DNAJA4: variants seen among roughly 807,000 people sequenced by gnomAD.
The protein encoded by DNAJA4 is dnaJ homolog subfamily A member 4.
A neutral mutation model predicts 39.7 loss-of-function variants in DNAJA4; 32 were observed. The observed-to-expected ratio is 0.81, with a 90% CI of 0.61 to 1.08. DNAJA4 has a LOEUF of 1.08. Among genes scored for constraint, DNAJA4 ranks in the 50% least tolerant of loss-of-function variants. The probability of loss-of-function intolerance (pLI) is 0.00; values close to 1 mark genes in which losing one functional copy is unlikely to be tolerated. For missense variants in DNAJA4, 439 were observed against 505.1 expected, an observed-to-expected ratio of 0.87 and a Z score of 1.25; for synonymous variants, 184 against 182.4, an observed-to-expected ratio of 1.01 and a Z score of -0.07.
In DNAJA4 at chr15:78,275,701, C is replaced by G; in HGVS notation, c.850C>G (p.Arg284Gly). The G allele has an allele frequency of 6.2e-7, 1 of 1,611,630 alleles. No individual in the cohort carries two copies. The highest frequency in any genetic ancestry group is 8.5e-7 in the Non-Finnish European group (1 of 1,178,564). The stretch of plus-strand genomic sequence containing the variant: ...GAAGACGATAAAAACATTGGACAAT[C>G]GAATTCTTGTTATTACATCCAAAGC... ...FKKTIKTLDNRILVITSKAGE... is the reference protein window; with the variant it reads ...FKKTIKTLDNGILVITSKAGE... Residue 284 changes from arginine to glycine, a missense_variant, in exon 5 of 7, where the codon CGA becomes GGA. By Grantham distance (125) the Arg-to-Gly change is moderately radical. Transcript: ENST00000394852.
chr15:78,271,283 A>G (rs752669265), intron 2 of DNAJA4, among the ~76,000 whole-genome samples: 1 of 152,194 alleles, frequency 6.6e-6, no homozygotes, highest in African/African-American at 2.4e-5. Flanking sequence ...TGTTGGGGTC[A>G]GGCACCAGAG....
At chr15:78,271,751 A>C (rs955421149) in intron 2 of DNAJA4, among the ~76,000 whole-genome samples, 17 of 152,084 alleles carry the variant, frequency 1.1e-4, no homozygotes, top group African/African-American at 4.1e-4. Flanking sequence ...ACTAGTTCCC[A>C]TTCCCCCTGT....
rs1161257814 is a variant in DNAJA4, at chr15:78,281,086, T to C, written c.*626T>C. 6.5e-6 allele frequency: 1 copy of C among 152,860 alleles called. No homozygotes were observed. Among genetic ancestry groups the C allele is most frequent in the Non-Finnish European group, 1.5e-5 (1 of 68,206 alleles). The allele number at this position is 152,860 out of a possible 1,614,324, so 9.5% of individuals were successfully genotyped here. On this transcript the variant is annotated 3_prime_UTR_variant, in exon 7 of 7. Transcript: ENST00000394852. ...GAACGTGAGTGTCTGATCATCTCTC[T>C]TGGAAGTTTTCTGAACCTTCCAAGC...
intron 2 of DNAJA4, among the ~76,000 whole-genome samples, chr15:78,272,351 C>CA (rs1335969799): frequency 2.0e-5 from 3 of 151,868 alleles, no homozygotes; most frequent in Non-Finnish European, 2.9e-5. Flanking sequence ...CAAAACAAAA[C>CA]AAAAAAAACC....
intron 1 of DNAJA4, chr15:78,265,410 G>C: frequency 1.4e-6 from 1 of 693,970 alleles, no homozygotes; most frequent in Non-Finnish European, 2.6e-6. Flanking sequence ...AGCTGGATTT[G>C]TTCTGTGCAC....
At position 78,274,065 on chromosome 15, in the gene DNAJA4, T is replaced by C. The variant is rs528353288; in HGVS notation, c.419-132T>C. ...TCCTCCAGACTCTTCTGCATTGTTT[T>C]TTATTATTGTAAATAGAATTCTAAG... On this transcript the variant is annotated intron_variant, in intron 3 of 6. Transcript: ENST00000394852. 5.7e-5 allele frequency: 44 copies of C among 765,644 alleles called. 1 individual carries two copies. The highest frequency in any genetic ancestry group is 7.5e-4 in the Middle Eastern group (2 of 2,668). The allele number at this position is 765,644 out of a possible 1,614,324, so 47.4% of individuals were successfully genotyped here. A position where few individuals can be genotyped will look rare whatever the true frequency, so the allele number is the denominator to read the frequency against.
chr15:78,266,462 G>T (rs906972509), intron 1 of DNAJA4, among the ~76,000 whole-genome samples: 2 of 152,210 alleles, frequency 1.3e-5, no homozygotes, highest in Non-Finnish European at 2.9e-5. Flanking sequence ...TTTATTCATA[G>T]CCAGGCACTG....
intron 1 of DNAJA4, among the ~76,000 whole-genome samples, chr15:78,267,188 GTGTGAGTGTGTA>G (rs1239157852): frequency 8.4e-5 from 9 of 106,742 alleles, no homozygotes; most frequent in Admixed American, 1.8e-4. Context: ...GTGAGTGTGT[GTGTGAGTGTGTA>G]TGTGAGTGTG....
At chr15:78,270,801 T>C in intron 2 of DNAJA4, 124 bp downstream of exon 2, 3 of 1,088,140 alleles carry the variant, frequency 2.8e-6, no homozygotes, top group Non-Finnish European at 3.8e-6. Flanking sequence ...TTCATGTCTG[T>C]AATTTCAGCA....
At position 78,264,784 on chromosome 15, in the gene DNAJA4, C is replaced by G; in HGVS notation, c.21C>G (p.Tyr7Ter). The change falls in exon 1 of 7, where the codon TAC (tyrosine) becomes TAG (stop). Residue 7 changes from tyrosine (Y) to a stop codon, truncating the protein, a stop_gained. Transcript: ENST00000394852. LOFTEE classifies it high-confidence loss of function. The part of the protein sequence containing the change: MVKETQ[Y>*]YDILGVKPSA... ...ACAAGATGGTGAAGGAGACCCAGTA[C>G]TATGACATCCTGGGCGTGAAGCCCA... 1 of 1,607,210 alleles carries G rather than the reference C, an allele frequency of 6.2e-7. No individual in the cohort carries two copies. The highest frequency in any genetic ancestry group is 8.5e-7 in the Non-Finnish European group (1 of 1,176,480).
intron 1 of DNAJA4, 127 bp downstream of exon 1, chr15:78,265,022 C>A: frequency 8.5e-7 from 1 of 1,175,092 alleles, no homozygotes; most frequent in Non-Finnish European, 1.2e-6. Flanking sequence ...CGCCTCGGGG[C>A]CAGGCCGGGC....
At chr15:78,264,322 G>C (rs186974479), upstream of DNAJA4, 222 of 1,415,884 alleles carry the variant, frequency 1.6e-4, 4 homozygotes, top group East Asian at 6.7e-3. Context: ...CCATGGCCCG[G>C]GGCGGCAGTC....
chr15:78,272,972 C>T (rs954428544), intron 2 of DNAJA4, 123 bp from the exon 3 acceptor site: 8 of 678,878 alleles, frequency 1.2e-5, no homozygotes, highest in Admixed American at 2.5e-5. Flanking sequence ...GGGAAGGGAG[C>T]GCATGACCCA....
chr15:78,264,219 C>A (rs1484181193), upstream of DNAJA4: 8 of 903,198 alleles, frequency 8.9e-6, no homozygotes, highest in Non-Finnish European at 1.2e-5. Context: ...GCCGGCTCCA[C>A]GGACCCACGG....
chr15:78,272,568 T>C (rs746011981), intron 2 of DNAJA4, among the ~76,000 whole-genome samples: 1 of 152,210 alleles, frequency 6.6e-6, no homozygotes, highest in Non-Finnish European at 1.5e-5. Context: ...CCCTGTGGAC[T>C]GAACACCCAC....
intron 5 of DNAJA4, chr15:78,278,348 G>A (rs1051619966): frequency 1.3e-5 from 6 of 452,750 alleles, no homozygotes; most frequent in African/African-American, 4.0e-5. Context: ...GTAACTTAAC[G>A]AAGGGGATAT....
chr15:78,277,908 T>C (rs1400624811), intron 5 of DNAJA4: 1 of 376,274 alleles, frequency 2.7e-6, no homozygotes, highest in African/African-American at 2.1e-5. Flanking sequence ...TTTGGGGATT[T>C]GTTTGTCCTT....
At chr15:78,270,837 TG>T (rs1346043499) in intron 2 of DNAJA4, among the ~76,000 whole-genome samples, 160 bp downstream of exon 2, 1 of 152,018 alleles carries the variant, frequency 6.6e-6, no homozygotes, top group African/African-American at 2.4e-5. Flanking sequence ...GTGGGAGAAT[TG>T]TTTTAGGCCA....
chr15:78,275,404 G>A (rs2049424714), intron 4 of DNAJA4, 94 bp from the exon 5 acceptor site: 16 of 1,036,666 alleles, frequency 1.5e-5, no homozygotes, highest in Admixed American at 1.4e-4. Context: ...GATGAATAAA[G>A]AATCCCTGAA....
Sources: allele counts gnomAD v4.1 joint callset (sites outside exome capture counted in the v4.1 genomes callset), GRCh38; gene constraint gnomAD v4.1.1; transcripts MANE v1.5; gene names NCBI Gene and HGNC (gene_info 2026-07-23, HGNC 2026-07-21).